TRIO: variants seen among roughly 807,000 people sequenced by gnomAD.
TRIO encodes trio Rho guanine nucleotide exchange factor.
TRIO carries 58 observed loss-of-function variants against 351.9 expected under a neutral mutation model. The ratio of observed to expected loss-of-function variants is 0.16; its 90% confidence interval spans 0.13 to 0.21. The LOEUF is 0.21. Ranked by LOEUF, TRIO falls within the 10% of genes least tolerant of loss-of-function variation. The pLI is 1.00. For missense variants in TRIO, 3,201 were observed against 4,027.8 expected, an observed-to-expected ratio of 0.79 and a Z score of 5.56; for synonymous variants, 1,758 against 1,595.7, an observed-to-expected ratio of 1.10 and a Z score of -2.42.
At chr5:14,503,772 G>A (rs1275714795) in intron 54 of TRIO, among the ~76,000 whole-genome samples, 3 of 152,206 alleles carry the variant, frequency 2.0e-5, no homozygotes, top group Admixed American at 6.5e-5. Flanking sequence ...CACACAGTCT[G>A]CCCGCCACAG....
chr5:14,208,964 T>G (rs761348795), intron 1 of TRIO, among the ~76,000 whole-genome samples: 8 of 152,258 alleles, frequency 5.3e-5, no homozygotes. Context: ...AAAACTGGAT[T>G]GTGATGCTGG....
intron 11 of TRIO, among the ~76,000 whole-genome samples, chr5:14,347,669 G>A (rs1000380777): frequency 6.6e-6 from 1 of 152,260 alleles, no homozygotes; most frequent in Non-Finnish European, 1.5e-5. Context: ...TGCATTAAAA[G>A]CTTTGCAAGT....
At chr5:14,397,614 G>A (rs1247914711) in intron 29 of TRIO, among the ~76,000 whole-genome samples, 2 of 152,184 alleles carry the variant, frequency 1.3e-5, no homozygotes, top group Non-Finnish European at 2.9e-5. Flanking sequence ...AGATAAATAT[G>A]TTTCAAAATT....
intron 17 of TRIO, 91 bp from the exon 18 acceptor site, chr5:14,369,283 A>T: frequency 6.7e-7 from 1 of 1,492,430 alleles, no homozygotes; most frequent in Non-Finnish European, 8.9e-7. Context: ...CAGCATCTTC[A>T]TCCCCAGAGC....
At chr5:14,475,357 C>CA (rs72537714) in intron 40 of TRIO, among the ~76,000 whole-genome samples, 152,282 of 152,282 alleles carry the variant, frequency 1, 76,141 homozygotes, top group Non-Finnish European at 1. Flanking sequence ...AGCTGAGCTC[C>CA]ATACTTGCTT....
chr5:14,159,354 T>G (rs1788294587), intron 1 of TRIO, among the ~76,000 whole-genome samples: 1 of 151,134 alleles, frequency 6.6e-6, no homozygotes, highest in South Asian at 2.1e-4. Flanking sequence ...AGACTTTGCT[T>G]CCCTGTAGAT....
rs966424631 is a variant in TRIO, at chr5:14,195,686, G to C, written c.157+51804G>C. ...TTTGTAGTTTAAGTCCTACTGTAAG[G>C]AAGAGCTTTCCCTTCTCATTGACTT... is the stretch of plus-strand genomic sequence containing the variant. On this transcript the variant is annotated intron_variant, in intron 1 of 56. Transcript: ENST00000344204. Among the ~76,000 whole-genome samples the C allele has an allele frequency of 3.9e-5, 6 of 152,146 alleles. No homozygotes were observed. The South Asian group carries it at 8.3e-4, about 21-fold the overall frequency.
chr5:14,415,435 G>C (rs1749560342), intron 33 of TRIO, among the ~76,000 whole-genome samples: 1 of 152,172 alleles, frequency 6.6e-6, no homozygotes, highest in Non-Finnish European at 1.5e-5. Context: ...AGCCATACAT[G>C]CCTCATTGTT....
chr5:14,463,005 T>G, intron 36 of TRIO, 80 bp downstream of exon 36: 2 of 1,450,316 alleles, frequency 1.4e-6, no homozygotes, highest in South Asian at 2.9e-5. Context: ...CACACCAGCC[T>G]CATTTCAGGA....
rs1742892399 is a variant in TRIO, at chr5:14,349,892, A to G, written c.2047-8286A>G. Among the ~76,000 whole-genome samples, 2 of 152,086 alleles carry G rather than the reference A, an allele frequency of 1.3e-5. 1 individual carries two copies. Among genetic ancestry groups the G allele is most frequent in the South Asian group, 4.2e-4 (2 of 4,814 alleles). On this transcript the variant is annotated intron_variant, in intron 11 of 56. Coordinates refer to ENST00000344204, the MANE Select transcript of TRIO (RefSeq NM_007118.4). ...TTCCTCCTCCCAGCCTCCACCTTCAAGTAGGTCCTAGTGTCTGTTGTTCCT... is the reference window on the plus strand; with the variant it reads ...TTCCTCCTCCCAGCCTCCACCTTCAGGTAGGTCCTAGTGTCTGTTGTTCCT...
intron 4 of TRIO, 90 bp from the exon 5 acceptor site, chr5:14,290,626 A>C: frequency 9.6e-6 from 13 of 1,352,212 alleles, no homozygotes; most frequent in African/African-American, 1.4e-5. Context: ...TTTAACTTTG[A>C]AAACCTGTGA....
At position 14,507,891 on chromosome 5, in the gene TRIO, C is replaced by G. The variant is rs771926422; in HGVS notation, c.8763C>G (p.Ile2921Met). Reference sequence around the variant, plus strand: ...ATTCTGATTTCCAGCCTGAGAATATCCTGGTGGATGAGAGTTTAGCCAAGC... The same window carrying G: ...ATTCTGATTTCCAGCCTGAGAATATGCTGGTGGATGAGAGTTTAGCCAAGC... ...IAHLDLKPEN[I>M]LVDESLAKPT... The change falls in exon 57 of 57, where the codon ATC becomes ATG. Residue 2921 changes from isoleucine to methionine, a missense_variant. By Grantham distance (10) the Ile-to-Met change is conservative. This residue lies in a region of TRIO where 233 missense variants were observed against 292.6 expected (regional missense o/e 0.80). Coordinates refer to ENST00000344204, the MANE Select transcript of TRIO (RefSeq NM_007118.4). The G allele has an allele frequency of 1.2e-6, 2 of 1,612,968 alleles. No individual in the cohort carries two copies. The highest frequency in any genetic ancestry group is 8.5e-7 in the Non-Finnish European group (1 of 1,179,394).
chr5:14,246,998 C>T (rs995719054), intron 1 of TRIO, among the ~76,000 whole-genome samples: 28 of 152,350 alleles, frequency 1.8e-4, no homozygotes, highest in African/African-American at 6.3e-4. Context: ...CTTGGTGTTT[C>T]TCTGTCCACA....
intron 11 of TRIO, among the ~76,000 whole-genome samples, chr5:14,344,535 CA>C (rs760219039): frequency 1.3e-3 from 193 of 152,270 alleles, no homozygotes; most frequent in Non-Finnish European, 2.3e-3. Flanking sequence ...GAAAGTGAGA[CA>C]AATTAAATTA....
chr5:14,433,089 A>G (rs554793992), intron 34 of TRIO, among the ~76,000 whole-genome samples: 1 of 152,208 alleles, frequency 6.6e-6, no homozygotes, highest in Non-Finnish European at 1.5e-5. Flanking sequence ...ATAATCCACA[A>G]TGCTGGTGCA....
intron 48 of TRIO, chr5:14,488,856 G>A: frequency 1.4e-6 from 1 of 711,462 alleles, no homozygotes; most frequent in Non-Finnish European, 2.6e-6. Flanking sequence ...GACTGCTCTG[G>A]GCACCTGGCG....
At position 14,498,601 on chromosome 5, in the gene TRIO, A is replaced by C; in HGVS notation, c.8293A>C (p.Met2765Leu). 6.2e-7 allele frequency: 1 copy of C among 1,614,216 alleles called. No homozygotes were observed. The highest frequency in any genetic ancestry group is 8.5e-7 in the Non-Finnish European group (1 of 1,180,018). The change falls in exon 53 of 57, where the codon ATG (methionine) becomes CTG (leucine). Residue 2765 changes from methionine to leucine, a missense_variant. Physicochemically the swap from Met to Leu is conservative, Grantham distance 15. Around this residue, in one of 19 missense-constraint regions of TRIO, gnomAD observed 1,089 missense variants for 954.9 expected, o/e 1.14. Transcript: ENST00000344204. ...CTACACGTGCATCGCTGTCAATGAC[A>C]TGGGTTCAGCCTCATCGTCGGCCAG... ...GIYTCIAVNDMGSASSSASLR... is the reference protein window; with the variant it reads ...GIYTCIAVNDLGSASSSASLR...
chr5:14,348,716 G>A (rs2078733565), intron 11 of TRIO, among the ~76,000 whole-genome samples: 1 of 151,532 alleles, frequency 6.6e-6, no homozygotes, highest in South Asian at 2.1e-4. Flanking sequence ...TTATGTGTGT[G>A]TACGCACATG....
At chr5:14,211,901 C>G (rs1212339055) in intron 1 of TRIO, among the ~76,000 whole-genome samples, 2 of 151,234 alleles carry the variant, frequency 1.3e-5, no homozygotes, top group African/African-American at 4.9e-5. Context: ...CACTTGAGCC[C>G]TGGAGTTCAA....
Sources: allele counts gnomAD v4.1 joint callset (sites outside exome capture counted in the v4.1 genomes callset), GRCh38; gene constraint gnomAD v4.1.1; regional missense constraint gnomAD v4.1.1; transcripts MANE v1.5; gene names NCBI Gene and HGNC (gene_info 2026-07-23, HGNC 2026-07-21).